KCNA2: variants seen among roughly 807,000 people sequenced by gnomAD.
KCNA2 encodes potassium channel, voltage gated shaker related subfamily A, member 2.
KCNA2 carries 11 observed loss-of-function variants against 33.4 expected under a neutral mutation model. The ratio of observed to expected loss-of-function variants is 0.33; its 90% CI spans 0.21 to 0.55. KCNA2 has a LOEUF of 0.55. KCNA2 is among the 20% of genes least tolerant of loss of function. The pLI, the probability that KCNA2 is intolerant of heterozygous loss-of-function variation, is 0.93. For missense variants in KCNA2, 291 were observed against 621.6 expected (o/e 0.47, Z 5.66); for synonymous variants, 222 against 231.3 (o/e 0.96, Z 0.37).
At chr1:110,630,156 C>G (rs1650514868) in intron 1 of KCNA2, among the ~76,000 whole-genome samples, 1 of 151,902 alleles carries the variant, frequency 6.6e-6, no homozygotes, top group African/African-American at 2.4e-5. Flanking sequence ...GCTGGGATTA[C>G]AGGCATGCGC....
At chr1:110,625,665 A>G (rs1407483283) in intron 1 of KCNA2, among the ~76,000 whole-genome samples, 5 of 152,228 alleles carry the variant, frequency 3.3e-5, no homozygotes, top group Non-Finnish European at 7.3e-5. Context: ...AAGAAAAATG[A>G]TAAAGTGGGA....
Position 110,602,354 on chromosome 1 carries a change from A to T in KCNA2, c.*929T>A. The T allele has an allele frequency of 5.7e-6, 8 of 1,414,996 alleles. No individual in the cohort carries two copies. Among genetic ancestry groups the T allele is most frequent in the Non-Finnish European group, 7.3e-6 (8 of 1,089,558 alleles). The allele number at this position is 1,414,996 out of a possible 1,614,324, so 87.7% of individuals were successfully genotyped here. ...TTAACACTGTGTAGGCTACTAGGAA[A>T]ATAGGTTATCTCCTGTGTTTTAAAT... is the stretch of plus-strand genomic sequence containing the variant. On this transcript the variant is annotated 3_prime_UTR_variant, in exon 3 of 3. Coordinates refer to ENST00000316361, the MANE Select transcript of KCNA2 (RefSeq NM_004974.4).
At chr1:110,611,675 A>C (rs1649877379) in intron 1 of KCNA2, among the ~76,000 whole-genome samples, 1 of 150,806 alleles carries the variant, frequency 6.6e-6, no homozygotes. Flanking sequence ...GCAGTGAGCC[A>C]TGATTGTGCC....
At position 110,602,107 on chromosome 1, in the gene KCNA2, C is replaced by T; in HGVS notation, c.*1176G>A. 1 of 1,550,560 alleles carries T rather than the reference C, an allele frequency of 6.4e-7. No homozygotes were observed. The highest frequency in any genetic ancestry group is 8.7e-7 in the Non-Finnish European group (1 of 1,147,006). ...ACTAGGTTAATTCCTAAGGTGCAGT[C>T]ATGTGAGGTGTTCAGATGCTGCCTT... On this transcript the variant is annotated 3_prime_UTR_variant, in exon 3 of 3. Coordinates refer to ENST00000316361, the MANE Select transcript of KCNA2 (RefSeq NM_004974.4).
Position 110,600,821 on chromosome 1 carries a change from C to A in KCNA2, c.*2462G>T, listed in dbSNP as rs1299215654. 5 of 985,300 alleles carry A rather than the reference C, an allele frequency of 5.1e-6. No homozygotes were observed. Among genetic ancestry groups the A allele is most frequent in the Non-Finnish European group, 6.0e-6 (5 of 829,938 alleles). 61.0% of individuals were successfully genotyped at this position (985,300 alleles called of 1,614,324 possible). A position where few individuals can be genotyped will look rare whatever the true frequency, so the allele number is the denominator to read the frequency against. On this transcript the variant is annotated 3_prime_UTR_variant, in exon 3 of 3. Coordinates refer to ENST00000316361, the MANE Select transcript of KCNA2 (RefSeq NM_004974.4). ...CTGGGCATGGGATGCCCTGCAGATA[C>A]CTGGGGATGTGGGTGACCAGGCACT...
chr1:110,610,933 CCTTT>C (rs1649843696), upstream of KCNA2, among the ~76,000 whole-genome samples: 1 of 152,056 alleles, frequency 6.6e-6, no homozygotes, highest in African/African-American at 2.4e-5. Flanking sequence ...ACTCACTTGA[CCTTT>C]CTGAGTAGCA....
At position 110,597,282 on chromosome 1, in the gene KCNA2, G is replaced by C; in HGVS notation, c.*6001C>G. ...AAAGGATCAAGTAATGGCTTTTAGT[G>C]CATGGAAATGATCTTCTGTAATGGC... On this transcript the variant is annotated 3_prime_UTR_variant, in exon 3 of 3. Coordinates refer to ENST00000316361, the MANE Select transcript of KCNA2 (RefSeq NM_004974.4). 1.0e-6 allele frequency: 1 copy of C among 985,374 alleles called. No individual in the cohort carries two copies. Among genetic ancestry groups the C allele is most frequent in the Non-Finnish European group, 1.2e-6 (1 of 829,874 alleles). 61.0% of individuals were successfully genotyped at this position (985,374 alleles called of 1,614,324 possible).
At chr1:110,630,821 C>T (rs922432242) in intron 1 of KCNA2, among the ~76,000 whole-genome samples, 17 of 152,172 alleles carry the variant, frequency 1.1e-4, no homozygotes, top group African/African-American at 3.6e-4. Context: ...CCTCCCCCTG[C>T]TCACTCCCCA....
Position 110,601,792 on chromosome 1 carries a change from ATATGTGTGTG to A in KCNA2, c.*1481_*1490del, listed in dbSNP as rs1467832512. 7.3e-5 allele frequency: 81 copies of A among 1,109,978 alleles called. No individual in the cohort carries two copies. The African/African-American group carries it at 1.2e-3, about 16-fold the overall frequency. 68.8% of individuals were successfully genotyped at this position (1,109,978 alleles called of 1,614,324 possible). ...CCAGAAAATGAATATATATATATATATATGTGTGTGTGTGTGTGTGTGTGTGTGTGTGTGT... is the reference window on the plus strand; with the variant it reads ...CCAGAAAATGAATATATATATATATATGTGTGTGTGTGTGTGTGTGTGTGT... On this transcript the variant is annotated 3_prime_UTR_variant, in exon 3 of 3. Coordinates refer to ENST00000316361, the MANE Select transcript of KCNA2 (RefSeq NM_004974.4).
In KCNA2 at chr1:110,596,348, TATACACACATAA is replaced by T; in HGVS notation, c.*6923_*6934del. ...TATATACATATACTATATATATATATATACACACATAAATATATGTATATATGGAAAACCTCT... is the reference window on the plus strand; with the variant it reads ...TATATACATATACTATATATATATATATATATGTATATATGGAAAACCTCT... On this transcript the variant is annotated 3_prime_UTR_variant, in exon 3 of 3. Transcript: ENST00000316361. 1 of 385,346 alleles carries T rather than the reference TATACACACATAA, an allele frequency of 2.6e-6. No homozygotes were observed. Among genetic ancestry groups the T allele is most frequent in the South Asian group, 1.1e-4 (1 of 9,408 alleles). 23.9% of individuals were successfully genotyped at this position (385,346 alleles called of 1,614,324 possible).
In KCNA2 at chr1:110,604,292, A is replaced by C; in HGVS notation, c.491T>G (p.Ile164Ser). 2 of 1,614,110 alleles carry C rather than the reference A, an allele frequency of 1.2e-6. No individual in the cohort carries two copies. Among genetic ancestry groups the C allele is most frequent in the Non-Finnish European group, 1.7e-6 (2 of 1,180,024 alleles). Residue 164 changes from isoleucine (I) to serine (S), a missense_variant, in exon 3 of 3, where the codon ATT (isoleucine) becomes AGT (serine). By Grantham distance (142) the Ile-to-Ser change is moderately radical (BLOSUM62 -2). Transcript: ENST00000316361. This position sits in a 1 kb window ranked among gnomAD's most constrained non-coding sequence, Gnocchi z 7.6. The stretch of plus-strand genomic sequence containing the variant: ...CACCATGACAGACACAATAGCTATA[A>C]TCCTGGCAGGCCCTGAGCTCTCTGG... ...EYPESSGPAR[I>S]IAIVSVMVIL...
In KCNA2 at chr1:110,596,654, T is replaced by C; in HGVS notation, c.*6629A>G. 1 of 821,878 alleles carries C rather than the reference T, an allele frequency of 1.2e-6. No homozygotes were observed. The highest frequency in any genetic ancestry group is 1.5e-6 in the Non-Finnish European group (1 of 680,712). The allele number at this position is 821,878 out of a possible 1,614,324, so 50.9% of individuals were successfully genotyped here. On this transcript the variant is annotated 3_prime_UTR_variant, in exon 3 of 3. Transcript: ENST00000316361. ...AGGTCCCTGTTATCTTCAAACACTC[T>C]ACTTAACTAAGGCAGGAAAGTTATG...
Position 110,604,914 on chromosome 1 carries a change from T to C in KCNA2, c.-132A>G. The C allele has an allele frequency of 1.2e-6, 1 of 817,886 alleles. No homozygotes were observed. 50.7% of individuals were successfully genotyped at this position (817,886 alleles called of 1,614,324 possible). ...TCTCCTGCAGGAGAGCCCCGAGAGCTCTCTGAGAGCTGGAGAGACAGCCTC... is the reference window on the plus strand; with the variant it reads ...TCTCCTGCAGGAGAGCCCCGAGAGCCCTCTGAGAGCTGGAGAGACAGCCTC... On this transcript the variant is annotated 5_prime_UTR_variant, in exon 3 of 3. Transcript: ENST00000316361. The surrounding 1 kb of genome is among the most constrained non-coding windows in gnomAD (Gnocchi z 7.6).
chr1:110,623,498 A>G (rs1650311422), intron 1 of KCNA2, among the ~76,000 whole-genome samples: 1 of 152,254 alleles, frequency 6.6e-6, no homozygotes, highest in Admixed American at 6.5e-5. Flanking sequence ...TTGCATTTCA[A>G]AGACACCATT....
chr1:110,624,090 T>C (rs1334034255), intron 1 of KCNA2, among the ~76,000 whole-genome samples: 1 of 152,250 alleles, frequency 6.6e-6, no homozygotes, highest in African/African-American at 2.4e-5. Flanking sequence ...TAATTTGTAG[T>C]TTCTTTACAA....
At chr1:110,611,018 GAGGAAGGAAGGAAGGAAGGAAGGAAGGA>G (rs59353690), upstream of KCNA2, among the ~76,000 whole-genome samples, 25 of 144,254 alleles carry the variant, frequency 1.7e-4, no homozygotes, top group East Asian at 4.4e-3. Context: ...AAGACAGAAT[GAGGAAGGAAGGAAGGAAGGAAGGAAGGA>G]AGGAAGGAAG....
In KCNA2 at chr1:110,604,403, C is replaced by A; in HGVS notation, c.380G>T (p.Arg127Leu). The A allele has an allele frequency of 6.2e-7, 1 of 1,614,124 alleles. No homozygotes were observed. The highest frequency in any genetic ancestry group is 2.2e-5 in the East Asian group (1 of 44,882). ...ELGEEAMEMF[R>L]EDEGYIKEEE... ...CTCCTTGATGTAGCCTTCATCTTCCCGAAACATCTCCATCGCTTCTTCTCC... is the reference window on the plus strand; with the variant it reads ...CTCCTTGATGTAGCCTTCATCTTCCAGAAACATCTCCATCGCTTCTTCTCC... Residue 127 changes from arginine (R) to leucine (L), a missense_variant, in exon 3 of 3, where the codon CGG becomes CTG. Physicochemically the swap from Arg to Leu is moderately radical, Grantham distance 102 (BLOSUM62 -2). This residue lies in a region of KCNA2 where 163 missense variants were observed against 273.5 expected (regional missense o/e 0.60). Transcript: ENST00000316361. The surrounding 1 kb of genome is among the most constrained non-coding windows in gnomAD (Gnocchi z 7.6).
rs1649234350 is a variant in KCNA2 at position 110,599,254 on chromosome 1, T to G, written c.*4029A>C. On this transcript the variant is annotated 3_prime_UTR_variant, in exon 3 of 3. Coordinates refer to ENST00000316361, the MANE Select transcript of KCNA2 (RefSeq NM_004974.4). ...GCACTCAGCTCTCAGCTAGTCCTAC[T>G]TAGGGGAAGAACCAGCTCCAAGAGT... 5.1e-6 allele frequency: 5 copies of G among 984,898 alleles called. No homozygotes were observed. Among genetic ancestry groups the G allele is most frequent in the Non-Finnish European group, 6.0e-6 (5 of 829,414 alleles). 61.0% of individuals were successfully genotyped at this position (984,898 alleles called of 1,614,324 possible).
chr1:110,595,136 G>C lies in KCNA2; in HGVS notation c.*8147C>G. 2.0e-6 allele frequency: 2 copies of C among 984,692 alleles called. No individual in the cohort carries two copies. Among genetic ancestry groups the C allele is most frequent in the Non-Finnish European group, 2.4e-6 (2 of 829,708 alleles). 61.0% of individuals were successfully genotyped at this position (984,692 alleles called of 1,614,324 possible). ...TAGCTACCAAGGGTCCTAGCACACA[G>C]CCACATCTACACTGCCCTCAATGAT... On this transcript the variant is annotated 3_prime_UTR_variant, in exon 3 of 3. Transcript: ENST00000316361.
Sources: gnomAD v4.1 joint callset for allele counts (sites outside exome capture counted in the v4.1 genomes callset) on GRCh38, gnomAD v4.1.1 for gene constraint, gnomAD v4.1.1 regional missense constraint, Gnocchi (gnomAD v3.1) non-coding constraint, MANE v1.5 for transcripts, NCBI Gene and HGNC (gene_info 2026-07-23, HGNC 2026-07-21) for gene names.